Variants in LITAF observed in about 807,000 individuals in gnomAD.
LITAF encodes lipopolysaccharide-induced tumor necrosis factor-alpha factor.
Under a neutral mutation model 14.5 loss-of-function variants are expected in LITAF, and 9 were observed. The observed-to-expected ratio is 0.62, with a 90% confidence interval of 0.37 to 1.08. The LOEUF is 1.08. Among genes scored for constraint, LITAF ranks in the 50% least tolerant of loss-of-function variants. The pLI is 0.01. For missense variants in LITAF, 206 were observed against 213.4 expected, an observed-to-expected ratio of 0.97 and a Z score of 0.22; for synonymous variants, 98 against 88.2, an observed-to-expected ratio of 1.11 and a Z score of -0.62.
chr16:11,591,884 C>T (rs1567256846), upstream of LITAF, among the ~76,000 whole-genome samples: 4 of 152,290 alleles, frequency 2.6e-5, no homozygotes, highest in Middle Eastern at 6.8e-3. Context: ...CCACTATGCC[C>T]AGCTGAGAGT....
intron 3 of LITAF, among the ~76,000 whole-genome samples, chr16:11,614,577 G>A (rs1336698115): frequency 4.0e-5 from 6 of 151,856 alleles, no homozygotes; most frequent in Non-Finnish European, 8.8e-5. Context: ...TGGGATTACA[G>A]GCATGAGCCA....
chr16:11,569,781 C>T (rs1455924040), intron 1 of LITAF, among the ~76,000 whole-genome samples: 1 of 152,114 alleles, frequency 6.6e-6, no homozygotes, highest in Non-Finnish European at 1.5e-5. Flanking sequence ...GCCTGTAATC[C>T]CAGCACTTTG....
chr16:11,551,420 T>C (rs2064180441), intron 3 of LITAF, among the ~76,000 whole-genome samples: 1 of 152,138 alleles, frequency 6.6e-6, no homozygotes, highest in South Asian at 2.1e-4. Flanking sequence ...CACTTGCCCA[T>C]GGCCACACAG....
chr16:11,629,737 G>C (rs949731130), intron 3 of LITAF, among the ~76,000 whole-genome samples: 18 of 152,282 alleles, frequency 1.2e-4, no homozygotes, highest in South Asian at 6.2e-4. Context: ...CCAGGGCTTC[G>C]GAGGCAGAGG....
intron 1 of LITAF, among the ~76,000 whole-genome samples, chr16:11,578,634 T>C (rs879937473): frequency 6.6e-6 from 1 of 152,234 alleles, no homozygotes; most frequent in Non-Finnish European, 1.5e-5. Flanking sequence ...CTTTACTCTC[T>C]CCCTTGATAT....
chr16:11,638,052 ATC>A (rs1340135606), upstream of LITAF, among the ~76,000 whole-genome samples: 57 of 100,986 alleles, frequency 5.6e-4, 13 homozygotes, highest in African/African-American at 2.8e-3. Context: ...CTATATATAT[ATC>A]TATATATATA....
intron 1 of LITAF, among the ~76,000 whole-genome samples, chr16:11,569,407 A>C (rs2141779247): frequency 6.6e-6 from 1 of 152,114 alleles, no homozygotes; most frequent in African/African-American, 2.4e-5. Context: ...TGCCTGGCTA[A>C]TTTTTAATTT....
chr16:11,633,867 G>A (rs533102569), intron 2 of LITAF, among the ~76,000 whole-genome samples: 6 of 152,208 alleles, frequency 3.9e-5, no homozygotes, highest in South Asian at 2.1e-4. Flanking sequence ...AGTCTGGATC[G>A]GGACCCCTTT....
upstream of LITAF, among the ~76,000 whole-genome samples, chr16:11,589,088 G>A (rs77914539): frequency 0.02 from 3,004 of 152,170 alleles, 89 homozygotes; most frequent in East Asian, 0.14. Context: ...TATTTATGGG[G>A]AGAGCTATAA....
rs932594304 is a variant in LITAF, at chr16:11,553,229, G to A, written c.377+304C>T. On this transcript the variant is annotated intron_variant, in intron 3 of 3. Transcript: ENST00000622633. The surrounding 1 kb of genome is among the most constrained non-coding windows in gnomAD (Gnocchi z 7.7). Reference sequence around the variant, plus strand: ...AGGTCAGGAGTTTGAGACCAGCCTGGCCAAGATGGTGAAATGCCAGCTCTA... The same window carrying A: ...AGGTCAGGAGTTTGAGACCAGCCTGACCAAGATGGTGAAATGCCAGCTCTA... 6.6e-6 allele frequency among the ~76,000 whole-genome samples: 1 copy of A among 152,114 alleles called. No homozygotes were observed. Among genetic ancestry groups the A allele is most frequent in the Non-Finnish European group, 1.5e-5 (1 of 68,026 alleles).
chr16:11,609,199 G>A (rs1312607087), intron 3 of LITAF, among the ~76,000 whole-genome samples: 1 of 151,282 alleles, frequency 6.6e-6, no homozygotes, highest in Non-Finnish European at 1.5e-5. Flanking sequence ...AAAAGCCTTT[G>A]AATAGTAGAC....
In LITAF at chr16:11,625,554, T is replaced by C. The variant is rs113653504; in HGVS notation, c.85+7979A>G. The stretch of plus-strand genomic sequence containing the variant: ...CTGAGATTACAGGTGTGAGCCACTG[T>C]GCCTGGCTCCAGATAAATTACTTGC... On this transcript the variant is annotated intron_variant, in intron 3 of 3. Coordinates refer to the LITAF transcript ENST00000574848. 7.0e-4 allele frequency among the ~76,000 whole-genome samples: 106 copies of C among 152,254 alleles called. 1 individual carries two copies. Among genetic ancestry groups the C allele is most frequent in the African/African-American group, 2.4e-3 (98 of 41,548 alleles).
In LITAF at chr16:11,553,469, C is replaced by T. The variant is rs564412796; in HGVS notation, c.377+64G>A. On this transcript the variant is annotated intron_variant, in intron 3 of 3. Coordinates refer to ENST00000622633, the MANE Select transcript of LITAF (RefSeq NM_001136472.2). The surrounding 1 kb of genome is among the most constrained non-coding windows in gnomAD (Gnocchi z 7.7). ...GTCAAGCATGGTGCAGTTGAGAACC[C>T]ACCCCCGCCAGCACCCAGAGAGAAG... 2.6e-4 allele frequency: 403 copies of T among 1,573,352 alleles called. 1 individual carries two copies. In the African/African-American group the frequency reaches 4.7e-3, roughly 18 times the overall value.
At chr16:11,596,870 G>T (rs1056129895) in intron 1 of LITAF, among the ~76,000 whole-genome samples, 4 of 151,888 alleles carry the variant, frequency 2.6e-5, no homozygotes, top group Non-Finnish European at 4.4e-5. Flanking sequence ...GGGCACACAA[G>T]CTGAGTACCC....
chr16:11,577,198 G>A (rs1455477366), intron 1 of LITAF, among the ~76,000 whole-genome samples: 1 of 152,180 alleles, frequency 6.6e-6, no homozygotes, highest in Admixed American at 6.6e-5. Context: ...CCCCACGAGG[G>A]CTTGAGAAAG....
chr16:11,628,781 A>G (rs889672871), intron 3 of LITAF, among the ~76,000 whole-genome samples: 4 of 151,828 alleles, frequency 2.6e-5, no homozygotes, highest in African/African-American at 9.7e-5. Flanking sequence ...GGTTCCAGTG[A>G]TCCTCCTGCC....
At chr16:11,633,747 GTCTAAGGAGTGGCCAT>G (rs2065128060) in intron 2 of LITAF, 1 of 152,212 alleles carries the variant, frequency 6.6e-6, no homozygotes, top group African/African-American at 2.4e-5. Context: ...GGGCTGCTCT[GTCTAAGGAGTGGCCAT>G]TCTTTATTCC....
rs955862439 is a variant in LITAF, at chr16:11,548,291, C to T, written c.*1346G>A. ...CTTGACTTCAAAGATGACACAGCAG[C>T]CAACCTAGAATCCTGGCTTGCTGCT... On this transcript the variant is annotated 3_prime_UTR_variant, in exon 4 of 4. Coordinates refer to ENST00000622633, the MANE Select transcript of LITAF (RefSeq NM_001136472.2). The T allele has an allele frequency of 2.4e-5, 11 of 453,814 alleles. No individual in the cohort carries two copies. The highest frequency in any genetic ancestry group is 4.9e-5 in the Non-Finnish European group (11 of 226,718). 28.1% of individuals were successfully genotyped at this position (453,814 alleles called of 1,614,324 possible).
rs543727938 is a variant in LITAF, at chr16:11,592,374, G to C, written c.-6+6014C>G. Among the ~76,000 whole-genome samples, 559 of 152,240 alleles carry C rather than the reference G, an allele frequency of 3.7e-3. 3 individuals carry two copies. The highest frequency in any genetic ancestry group is 0.013 in the African/African-American group (536 of 41,524). ...GCGGCTCACCAGAGGTCAGGAGTTT[G>C]AGACCAGCCTAACCAACATGGTGAA... On this transcript the variant is annotated intron_variant, in intron 1 of 3. Transcript: ENST00000571627.
Sources: gnomAD v4.1 joint callset for allele counts (sites outside exome capture counted in the v4.1 genomes callset) on GRCh38, gnomAD v4.1.1 for gene constraint, Gnocchi (gnomAD v3.1) non-coding constraint, MANE v1.5 for transcripts, NCBI Gene and HGNC (gene_info 2026-07-23, HGNC 2026-07-21) for gene names.